PLEKHM1: variants seen among roughly 807,000 people sequenced by gnomAD.
The protein encoded by PLEKHM1 is pleckstrin homology and RUN domain containing M1.
A neutral mutation model predicts 94.3 loss-of-function variants in PLEKHM1; 28 were observed. The observed-to-expected ratio is 0.30, with a 90% CI of 0.22 to 0.41. The LOEUF (loss-of-function observed/expected upper bound fraction) is 0.41. Among genes scored for constraint, PLEKHM1 ranks in the 10% least tolerant of loss-of-function variants. The pLI is 1.00. For missense variants in PLEKHM1, 907 were observed against 1,358.6 expected (o/e 0.67, Z 5.22); for synonymous variants, 424 against 581.2 (o/e 0.73, Z 3.89).
At chr17:45,440,477 G>A (rs2050415278) in intron 9 of PLEKHM1, 3 of 601,724 alleles carry the variant, frequency 5.0e-6, no homozygotes, top group Non-Finnish European at 8.9e-6. Flanking sequence ...GGGAAATGGA[G>A]TTGTCTGGAT....
chr17:45,468,584 C>T lies in PLEKHM1; in HGVS notation c.933G>A (p.Leu311=), dbSNP rs1342013559. 5.0e-6 allele frequency: 8 copies of T among 1,614,056 alleles called. No homozygotes were observed. The highest frequency in any genetic ancestry group is 6.8e-6 in the Non-Finnish European group (8 of 1,180,048). ...DSDRSLQEVL[L]EFSKAQVNSV... ...AGTTTACCTGGGCTTTGCTGAATTC[C>T]AACAATACCCTAGAAGTTTTAAACA... is the stretch of plus-strand genomic sequence containing the variant. The change falls in exon 5 of 12, where the codon TTG becomes TTA. Residue 311 remains leucine (L), a synonymous_variant. Transcript: ENST00000430334.
chr17:45,455,151 G>T (rs1691786364), intron 6 of PLEKHM1, among the ~76,000 whole-genome samples: 1 of 152,090 alleles, frequency 6.6e-6, no homozygotes, highest in Non-Finnish European at 1.5e-5. Context: ...AAACCTCTTG[G>T]TCTCTAGTTT....
Position 45,440,076 on chromosome 17 carries a change from G to A in PLEKHM1, c.2901+87C>T, listed in dbSNP as rs540769671. The A allele has an allele frequency of 6.4e-6, 8 of 1,255,318 alleles. No homozygotes were observed. The South Asian group carries it at 9.6e-5, about 15-fold the overall frequency. 77.8% of individuals were successfully genotyped at this position (1,255,318 alleles called of 1,614,324 possible). ...CTGCTGTCTTCTTCAGTAAACTACA[G>A]ACACCCCCTCTTCCATCTTCCTTGC... On this transcript the variant is annotated intron_variant, in intron 10 of 11. Coordinates refer to ENST00000430334, the MANE Select transcript of PLEKHM1 (RefSeq NM_014798.3).
In PLEKHM1 at chr17:45,456,733, A is replaced by G. The variant is rs115989976; in HGVS notation, c.1579+1436T>C. 5.1e-3 allele frequency among the ~76,000 whole-genome samples: 775 copies of G among 152,382 alleles called. 9 individuals carry two copies. Among genetic ancestry groups the G allele is most frequent in the African/African-American group, 0.018 (740 of 41,588 alleles). Reference sequence around the variant, plus strand: ...TTCTCTGCTGGGTCACTGCAGACAGAAAATGAGGAGAGAAAGAGACCAATT... The same window carrying G: ...TTCTCTGCTGGGTCACTGCAGACAGGAAATGAGGAGAGAAAGAGACCAATT... On this transcript the variant is annotated intron_variant, in intron 6 of 11. Transcript: ENST00000430334.
At chr17:45,455,023 G>A (rs1243585339) in intron 6 of PLEKHM1, 2 of 156,662 alleles carry the variant, frequency 1.3e-5, no homozygotes, top group African/African-American at 4.8e-5. Context: ...CTACTAGGGA[G>A]GCTGAGGCAG....
chr17:45,462,548 C>T (rs1176759412), intron 5 of PLEKHM1, among the ~76,000 whole-genome samples: 1 of 152,010 alleles, frequency 6.6e-6, no homozygotes, highest in Non-Finnish European at 1.5e-5. Flanking sequence ...CAGCCTCCAC[C>T]CCTTCCCACC....
chr17:45,472,292 T>C (rs1178402971), intron 4 of PLEKHM1, among the ~76,000 whole-genome samples: 1 of 152,186 alleles, frequency 6.6e-6, no homozygotes, highest in African/African-American at 2.4e-5. Flanking sequence ...CATCTGTATG[T>C]CTTACATTTG....
Position 45,475,313 on chromosome 17 carries a change from G to T in PLEKHM1, c.710C>A (p.Ser237Ter). 6.2e-7 allele frequency: 1 copy of T among 1,613,936 alleles called. No individual in the cohort carries two copies. The highest frequency in any genetic ancestry group is 8.5e-7 in the Non-Finnish European group (1 of 1,179,858). The change falls in exon 4 of 12, where the codon TCG (serine) becomes TAG (stop). Residue 237 changes from serine (S) to a stop codon, truncating the protein, a stop_gained. Coordinates refer to ENST00000430334, the MANE Select transcript of PLEKHM1 (RefSeq NM_014798.3). LOFTEE classifies it high-confidence loss of function. ...SGSEDIEVHH[S>*]GHKIRRNQKL... ...CTGGTTCCTCCGTATCTTATGGCCCGAGTGATGGACTTCGATGTCTTCAGA... is the reference window on the plus strand; with the variant it reads ...CTGGTTCCTCCGTATCTTATGGCCCTAGTGATGGACTTCGATGTCTTCAGA...
At position 45,458,233 on chromosome 17, in the gene PLEKHM1, C is replaced by A. The variant is rs1163167191; in HGVS notation, c.1515G>T (p.Arg505Ser). 1.9e-6 allele frequency: 3 copies of A among 1,613,006 alleles called. No individual in the cohort carries two copies. In the South Asian group the frequency reaches 3.3e-5, roughly 18 times the overall value. The change falls in exon 6 of 12, where the codon AGG becomes AGT. Residue 505 changes from arginine (R) to serine (S), a missense_variant. This residue lies in a region of PLEKHM1 where 477 missense variants were observed against 601.5 expected (regional missense o/e 0.79). Transcript: ENST00000430334. ...DQACVPSPGRRQAQAAPSQGH... is the reference protein window; with the variant it reads ...DQACVPSPGRSQAQAAPSQGH... ...CCTGGGATGGGGCTGCCTGGGCTTG[C>A]CTTCTTCCTGGGGAAGGTACACACG...
intron 9 of PLEKHM1, among the ~76,000 whole-genome samples, chr17:45,441,341 G>C (rs1383910884): frequency 6.6e-6 from 1 of 152,174 alleles, no homozygotes; most frequent in Non-Finnish European, 1.5e-5. Context: ...TGGTCCAGGG[G>C]AGCCCAATCC....
chr17:45,461,994 G>A (rs965650031), intron 5 of PLEKHM1, among the ~76,000 whole-genome samples: 20 of 152,230 alleles, frequency 1.3e-4, no homozygotes, highest in Non-Finnish European at 2.8e-4. Context: ...CACACAAGCA[G>A]TGGGACCAGC....
At position 45,453,920 on chromosome 17, in the gene PLEKHM1, A is replaced by G. The variant is rs1185410576; in HGVS notation, c.1932T>C (p.Pro644=). ...CCTGGGGCGCCTCGGGGGGTTCCTC[A>G]GGCTGGTCTGGGTACTGCACGTTCA... ...EWVNVQYPDQ[P]EEPPEAPQGC... The change falls in exon 7 of 12, where the codon CCT becomes CCC. Residue 644 remains proline, a synonymous_variant. Transcript: ENST00000430334. This position sits in a 1 kb window ranked among gnomAD's most constrained non-coding sequence, Gnocchi z 4.1. 1 of 1,613,638 alleles carries G rather than the reference A, an allele frequency of 6.2e-7. No homozygotes were observed. The highest frequency in any genetic ancestry group is 8.5e-7 in the Non-Finnish European group (1 of 1,179,738).
chr17:45,488,056 G>T (rs1451532092), intron 1 of PLEKHM1, among the ~76,000 whole-genome samples: 1 of 152,248 alleles, frequency 6.6e-6, no homozygotes, highest in Non-Finnish European at 1.5e-5. Flanking sequence ...TTCTGTGATG[G>T]GTGGAGTGGT....
intron 1 of PLEKHM1, among the ~76,000 whole-genome samples, chr17:45,489,802 T>C (rs1284652270): frequency 6.6e-6 from 1 of 152,038 alleles, no homozygotes; most frequent in Non-Finnish European, 1.5e-5. Context: ...TCAGGTTGAA[T>C]GGGAGTTGGG....
Position 45,437,663 on chromosome 17 carries a change from G to T in PLEKHM1, c.*195C>A, listed in dbSNP as rs2050309185. 1.4e-6 allele frequency: 1 copy of T among 689,706 alleles called. No individual in the cohort carries two copies. Among genetic ancestry groups the T allele is most frequent in the Non-Finnish European group, 2.6e-6 (1 of 378,394 alleles). 42.7% of individuals were successfully genotyped at this position (689,706 alleles called of 1,614,324 possible). ...CACGCCTCCTGCAGCAGAGGGGTGG[G>T]GGGAGGGCCAGGGGACACCACGGGG... On this transcript the variant is annotated 3_prime_UTR_variant, in exon 12 of 12. Transcript: ENST00000430334. This position sits in a 1 kb window ranked among gnomAD's most constrained non-coding sequence, Gnocchi z 4.0.
chr17:45,486,668 C>T (rs1241965321), intron 1 of PLEKHM1, among the ~76,000 whole-genome samples: 5 of 152,104 alleles, frequency 3.3e-5, no homozygotes, highest in Non-Finnish European at 7.4e-5. Context: ...AGAAATGCCA[C>T]AAAATGACTG....
At chr17:45,434,372 C>T (rs1222137028), downstream of PLEKHM1, 1 of 152,168 alleles carries the variant, frequency 6.6e-6, no homozygotes, top group African/African-American at 2.4e-5. Flanking sequence ...ATAGTAACAC[C>T]CACTTCACTG....
At position 45,458,220 on chromosome 17, in the gene PLEKHM1, C is replaced by T; in HGVS notation, c.1528G>A (p.Ala510Thr). The change falls in exon 6 of 12, where the codon GCC (alanine) becomes ACC (threonine). Residue 510 changes from alanine to threonine, a missense_variant. This residue lies in a region of PLEKHM1 where 477 missense variants were observed against 601.5 expected (regional missense o/e 0.79). Transcript: ENST00000430334. Reference protein sequence around the residue: ...PSPGRRQAQAAPSQGHKSFRV... With the variant: ...PSPGRRQAQATPSQGHKSFRV... ...AAGCTCTTATGCCCCTGGGATGGGG[C>T]TGCCTGGGCTTGCCTTCTTCCTGGG... 6.2e-7 allele frequency: 1 copy of T among 1,613,440 alleles called. No individual in the cohort carries two copies.
At chr17:45,448,206 A>G (rs895362623) in intron 8 of PLEKHM1, 11 of 152,376 alleles carry the variant, frequency 7.2e-5, no homozygotes, top group African/African-American at 2.6e-4. Context: ...AACGTGTTTT[A>G]TGATCAAAGG....
Sources: allele counts gnomAD v4.1 joint callset (sites outside exome capture counted in the v4.1 genomes callset), GRCh38; gene constraint gnomAD v4.1.1; regional missense constraint gnomAD v4.1.1; non-coding constraint Gnocchi (gnomAD v3.1); transcripts MANE v1.5; gene names NCBI Gene and HGNC (gene_info 2026-07-23, HGNC 2026-07-21).